The following SLC17A6 variants were observed in gnomAD, a reference collection of about 807,000 sequenced individuals.
SLC17A6 encodes vesicular glutamate transporter 2.
In SLC17A6, 35 loss-of-function variants were observed where a neutral mutation model predicts 67.1. The ratio of observed to expected loss-of-function variants is 0.52; its 90% confidence interval spans 0.40 to 0.69. The LOEUF is 0.69. SLC17A6 is among the 30% of genes least tolerant of loss of function. The pLI, the probability that SLC17A6 is intolerant of heterozygous loss-of-function variation, is 0.00. For missense variants in SLC17A6, 588 were observed against 723.9 expected (o/e 0.81, Z 2.15); for synonymous variants, 285 against 252.3 (o/e 1.13, Z -1.23).
At chr11:22,342,969 C>T (rs1368785682) in intron 2 of SLC17A6, 3 of 541,474 alleles carry the variant, frequency 5.5e-6, no homozygotes, top group Admixed American at 2.2e-5. Flanking sequence ...CCTCTAGATT[C>T]CTCCTTCATT....
At chr11:22,359,000 C>A (rs1332740819) in intron 3 of SLC17A6, among the ~76,000 whole-genome samples, 1 of 152,154 alleles carries the variant, frequency 6.6e-6, no homozygotes, top group Non-Finnish European at 1.5e-5. Flanking sequence ...TCAGTTATTA[C>A]CAACTGTGTG....
chr11:22,357,891 T>C (rs569450240), intron 3 of SLC17A6, among the ~76,000 whole-genome samples: 4 of 152,220 alleles, frequency 2.6e-5, no homozygotes, highest in African/African-American at 7.2e-5. Flanking sequence ...ATTCACTTCA[T>C]GAGTGATCAT....
At chr11:22,361,159 A>T in intron 5 of SLC17A6, 175 bp downstream of exon 5, 1 of 521,872 alleles carries the variant, frequency 1.9e-6, no homozygotes, top group Non-Finnish European at 3.4e-6. Flanking sequence ...GTTTTGCTTA[A>T]ATCTTCTATT....
At chr11:22,377,078 T>A (rs1856239917) in intron 11 of SLC17A6, among the ~76,000 whole-genome samples, 1 of 152,192 alleles carries the variant, frequency 6.6e-6, no homozygotes, top group African/African-American at 2.4e-5. Flanking sequence ...TTTAAAATTC[T>A]GGTTTACTAC....
At chr11:22,359,248 G>A (rs958460) in intron 3 of SLC17A6, among the ~76,000 whole-genome samples, 165 bp from the exon 4 acceptor site, 4,170 of 152,134 alleles carry the variant, frequency 0.027, 195 homozygotes, top group African/African-American at 0.093. Flanking sequence ...TATTCACAAT[G>A]GCTAGCCTGT....
rs755201652 is a variant in SLC17A6 at position 22,376,097 on chromosome 11, G to C, written c.1285+5G>C. The C allele has an allele frequency of 6.2e-7, 1 of 1,601,208 alleles. No homozygotes were observed. Among genetic ancestry groups the C allele is most frequent in the Non-Finnish European group, 8.5e-7 (1 of 1,172,004 alleles). On this transcript the variant is annotated splice_donor_5th_base_variant and intron_variant, in intron 10 of 11. Transcript: ENST00000263160. ...TCAGTGGATTTGCTATATCTGGTAA[G>C]ATATAATTTTTTTTCTTTGTACTTG...
Position 22,341,760 on chromosome 11 carries a change from G to A in SLC17A6, c.319G>A (p.Gly107Arg). Residue 107 changes from glycine (G) to arginine (R), a missense_variant, in exon 2 of 12, where the codon GGG becomes AGG. This residue lies in a region of SLC17A6 where 48 missense variants were observed against 36.5 expected (regional missense o/e 1.32). Coordinates refer to ENST00000263160, the MANE Select transcript of SLC17A6 (RefSeq NM_020346.3). ...DMVNNSTIHR[G>R]GKVIKEKAKF... ...GGTCAACAACAGCACCATCCACCGCGGGGGCAAGGTCATCAAGGAGGTGGG... is the reference window on the plus strand; with the variant it reads ...GGTCAACAACAGCACCATCCACCGCAGGGGCAAGGTCATCAAGGAGGTGGG... 5 of 1,614,150 alleles carry A rather than the reference G, an allele frequency of 3.1e-6. No individual in the cohort carries two copies. Among genetic ancestry groups the A allele is most frequent in the Non-Finnish European group, 4.2e-6 (5 of 1,180,030 alleles).
intron 3 of SLC17A6, among the ~76,000 whole-genome samples, chr11:22,349,345 G>C (rs1377262691): frequency 6.6e-6 from 1 of 152,116 alleles, no homozygotes; most frequent in African/African-American, 2.4e-5. Context: ...ACATCTAGCT[G>C]CCTTCCTATT....
chr11:22,371,109 C>A (rs770551218), intron 8 of SLC17A6, among the ~76,000 whole-genome samples: 1 of 152,172 alleles, frequency 6.6e-6, no homozygotes, highest in African/African-American at 2.4e-5. Context: ...TCTTTGATTT[C>A]TGTTTAATTA....
At chr11:22,344,328 C>T (rs1381337502) in intron 3 of SLC17A6, among the ~76,000 whole-genome samples, 1 of 152,130 alleles carries the variant, frequency 6.6e-6, no homozygotes, top group Non-Finnish European at 1.5e-5. Context: ...TTGGCATCTC[C>T]CTAATAGTGG....
In SLC17A6 at chr11:22,374,871, G is replaced by A. The variant is rs771276225; in HGVS notation, c.1158G>A (p.Lys386=). The A allele has an allele frequency of 8.1e-6, 13 of 1,612,908 alleles. No individual in the cohort carries two copies. Among genetic ancestry groups the A allele is most frequent in the Non-Finnish European group, 1.0e-5 (12 of 1,179,630 alleles). ...KQILSTTTVR[K]IMNCGGFGME... The stretch of plus-strand genomic sequence containing the variant: ...TTCTTTCAACTACGACAGTGAGAAA[G>A]ATCATGAATTGTGGTGGTAAGTACA... The change falls in exon 9 of 12, where the codon AAG becomes AAA. Residue 386 remains lysine (K), a synonymous_variant. Coordinates refer to ENST00000263160, the MANE Select transcript of SLC17A6 (RefSeq NM_020346.3).
At chr11:22,374,607 C>A (rs1856211819) in intron 8 of SLC17A6, 148 bp from the exon 9 acceptor site, 2 of 623,488 alleles carry the variant, frequency 3.2e-6, no homozygotes, top group Non-Finnish European at 5.1e-6. Context: ...ATTACTTTTT[C>A]TAGGAATGAG....
At chr11:22,366,721 G>A (rs1053550434) in intron 7 of SLC17A6, among the ~76,000 whole-genome samples, 5 of 152,008 alleles carry the variant, frequency 3.3e-5, no homozygotes, top group Non-Finnish European at 5.9e-5. Flanking sequence ...GCTGGGCGTC[G>A]TGGCTGGGCA....
chr11:22,344,886 AT>A (rs1317445357), intron 3 of SLC17A6, among the ~76,000 whole-genome samples: 2 of 152,168 alleles, frequency 1.3e-5, no homozygotes, highest in South Asian at 2.1e-4. Flanking sequence ...GTCTTCACTC[AT>A]TTTTTTCCCT....
chr11:22,341,733 A>G lies in SLC17A6; in HGVS notation c.292A>G (p.Met98Val). ...CAACCTGGGCGTGGCCATTGTGGAC[A>G]TGGTCAACAACAGCACCATCCACCG... ...RCNLGVAIVD[M>V]VNNSTIHRGG... The change falls in exon 2 of 12, where the codon ATG (methionine) becomes GTG (valine). Residue 98 changes from methionine to valine, a missense_variant. This residue lies in a region of SLC17A6 where 48 missense variants were observed against 36.5 expected (regional missense o/e 1.32). Coordinates refer to ENST00000263160, the MANE Select transcript of SLC17A6 (RefSeq NM_020346.3). 1 of 1,614,166 alleles carries G rather than the reference A, an allele frequency of 6.2e-7. No homozygotes were observed. The highest frequency in any genetic ancestry group is 8.5e-7 in the Non-Finnish European group (1 of 1,180,022).
Position 22,343,358 on chromosome 11 carries a change from G to A in SLC17A6, c.451G>A (p.Ala151Thr). The A allele has an allele frequency of 6.2e-7, 1 of 1,609,718 alleles. No individual in the cohort carries two copies. Among genetic ancestry groups the A allele is most frequent in the Non-Finnish European group, 8.5e-7 (1 of 1,178,694 alleles). ...AGGCTACATCGCGTCTCGGCTGGCA[G>A]CCAACAGGTAATGCGCCAGGCGGGA... ...PGGYIASRLA[A>T]NRVFGAAILL... The change falls in exon 3 of 12, where the codon GCC (alanine) becomes ACC (threonine). Residue 151 changes from alanine to threonine, a missense_variant. Transcript: ENST00000263160.
intron 3 of SLC17A6, among the ~76,000 whole-genome samples, chr11:22,356,733 G>A (rs1343916988): frequency 6.6e-6 from 1 of 152,176 alleles, no homozygotes; most frequent in Admixed American, 6.5e-5. Flanking sequence ...CTACTCAGGA[G>A]GCTGAGGCAT....
In SLC17A6 at chr11:22,365,689, A is replaced by T; in HGVS notation, c.891A>T (p.Glu297Asp). 1 of 1,612,478 alleles carries T rather than the reference A, an allele frequency of 6.2e-7. No homozygotes were observed. Among genetic ancestry groups the T allele is most frequent in the South Asian group, 1.1e-5 (1 of 90,880 alleles). Residue 297 changes from glutamate to aspartate, a missense_variant and splice_region_variant, in exon 7 of 12, where the codon GAA becomes GAT. This residue lies in a region of SLC17A6 where 414 missense variants were observed against 563.4 expected (regional missense o/e 0.73). Transcript: ENST00000263160. ...GTGCAAATCTTTTAGGTGCAATGGA[A>T]GTAAGAAATTTATTATGGTGTATAT... ...GESANLLGAM[E>D]KFKTPWRKFF...
rs778192457 is a variant in SLC17A6, at chr11:22,377,798, C to G, written c.*58C>G. 1.4e-6 allele frequency: 2 copies of G among 1,394,004 alleles called. No homozygotes were observed. Among genetic ancestry groups the G allele is most frequent in the African/African-American group, 2.9e-5 (2 of 68,226 alleles). 86.4% of individuals were successfully genotyped at this position (1,394,004 alleles called of 1,614,324 possible). On this transcript the variant is annotated 3_prime_UTR_variant, in exon 12 of 12. Coordinates refer to ENST00000263160, the MANE Select transcript of SLC17A6 (RefSeq NM_020346.3). ...TGTGATTAAATTCATTGTGATTGCA[C>G]AAAAATTTTAAAAACACGTGATGTA...
Sources: gnomAD v4.1 joint callset for allele counts (sites outside exome capture counted in the v4.1 genomes callset) on GRCh38, gnomAD v4.1.1 for gene constraint, gnomAD v4.1.1 regional missense constraint, MANE v1.5 for transcripts, NCBI Gene and HGNC (gene_info 2026-07-23, HGNC 2026-07-21) for gene names.